The following CHRM3 variants were observed in gnomAD, a reference collection of about 807,000 sequenced individuals.
The protein encoded by CHRM3 is muscarinic acetylcholine receptor M3.
A neutral mutation model predicts 41.8 loss-of-function variants in CHRM3; 11 were observed. That is an observed-to-expected ratio of 0.26 (90% CI 0.17 to 0.44). The LOEUF is 0.44. Among genes scored for constraint, CHRM3 ranks in the 20% least tolerant of loss-of-function variants. The pLI, the probability that CHRM3 is intolerant of heterozygous loss-of-function variation, is 1.00. For synonymous variants in CHRM3, 297 were observed against 301.4 expected (o/e 0.99, Z 0.15); for missense variants, 571 against 745.4 (o/e 0.77, Z 2.72).
At chr1:239,762,728 T>C (rs2148665461) in intron 5 of CHRM3, among the ~76,000 whole-genome samples, 1 of 152,306 alleles carries the variant, frequency 6.6e-6, no homozygotes, top group Admixed American at 6.5e-5. Context: ...TTAGAGCTAA[T>C]TATGTCCTTG....
chr1:239,772,166 T>C (rs1667732408), intron 5 of CHRM3, among the ~76,000 whole-genome samples: 1 of 152,162 alleles, frequency 6.6e-6, no homozygotes, highest in Non-Finnish European at 1.5e-5. Flanking sequence ...TTTTTTTTTC[T>C]TTGAGACGGA....
chr1:239,803,498 G>A (rs1447165689), intron 5 of CHRM3, among the ~76,000 whole-genome samples: 1 of 152,154 alleles, frequency 6.6e-6, no homozygotes, highest in East Asian at 1.9e-4. Context: ...TCCCAGGAAA[G>A]TATATTATAT....
chr1:239,429,193 T>G (rs1165556455), intron 1 of CHRM3, among the ~76,000 whole-genome samples: 1 of 152,226 alleles, frequency 6.6e-6, no homozygotes, highest in Non-Finnish European at 1.5e-5. Flanking sequence ...TACACTTGCA[T>G]TTTCTTTAGC....
intron 1 of CHRM3, among the ~76,000 whole-genome samples, chr1:239,483,047 G>A (rs893698791): frequency 6.6e-6 from 1 of 152,148 alleles, no homozygotes; most frequent in Non-Finnish European, 1.5e-5. Flanking sequence ...GATCTCTTTA[G>A]AGTTGCTTTT....
chr1:239,742,449 C>A (rs577008487), intron 5 of CHRM3, among the ~76,000 whole-genome samples: 1 of 152,074 alleles, frequency 6.6e-6, no homozygotes, highest in Admixed American at 6.5e-5. Flanking sequence ...GGACTCTCTG[C>A]GGGTGTTTAC....
At chr1:239,527,413 C>T (rs1670067427) in intron 2 of CHRM3, among the ~76,000 whole-genome samples, 1 of 152,124 alleles carries the variant, frequency 6.6e-6, no homozygotes, top group Non-Finnish European at 1.5e-5. Flanking sequence ...TCCTGACCTC[C>T]ATTTATATCC....
At chr1:239,533,034 C>T (rs1420616683) in intron 2 of CHRM3, among the ~76,000 whole-genome samples, 1 of 152,120 alleles carries the variant, frequency 6.6e-6, no homozygotes, top group Non-Finnish European at 1.5e-5. Context: ...TTATGAAGCA[C>T]TTTCATTTCC....
chr1:239,459,279 C>A (rs941868079), intron 1 of CHRM3, among the ~76,000 whole-genome samples: 1 of 151,910 alleles, frequency 6.6e-6, no homozygotes, highest in African/African-American at 2.4e-5. Flanking sequence ...AGAAAAAAAA[C>A]ATGTAAAAAT....
intron 6 of CHRM3, among the ~76,000 whole-genome samples, chr1:239,889,150 G>A (rs933437656): frequency 8.5e-5 from 13 of 152,252 alleles, no homozygotes; most frequent in East Asian, 1.9e-4. Context: ...ATGGATCACC[G>A]GATCCACAGT....
At chr1:239,869,686 T>C (rs1558194605) in intron 6 of CHRM3, among the ~76,000 whole-genome samples, 1 of 152,208 alleles carries the variant, frequency 6.6e-6, no homozygotes, top group South Asian at 2.1e-4. Flanking sequence ...TGTGTACTTA[T>C]TACTGTATTA....
At chr1:239,567,368 TTC>T (rs1661455325) in intron 3 of CHRM3, among the ~76,000 whole-genome samples, 1 of 152,060 alleles carries the variant, frequency 6.6e-6, no homozygotes, top group Non-Finnish European at 1.5e-5. Context: ...GATTTCTAAT[TTC>T]AGAAAACAAC....
chr1:239,456,206 T>C (rs891811124), intron 1 of CHRM3, among the ~76,000 whole-genome samples: 9 of 152,216 alleles, frequency 5.9e-5, no homozygotes, highest in African/African-American at 2.2e-4. Flanking sequence ...GGTCAATTTC[T>C]ATGATTATTC....
intron 6 of CHRM3, among the ~76,000 whole-genome samples, chr1:239,835,551 A>G (rs1673241494): frequency 6.6e-6 from 1 of 152,152 alleles, no homozygotes; most frequent in African/African-American, 2.4e-5. Context: ...ACGCTAAGAG[A>G]TAGAGACTGA....
chr1:239,755,972 T>C (rs1666209066), intron 5 of CHRM3, among the ~76,000 whole-genome samples: 1 of 152,192 alleles, frequency 6.6e-6, no homozygotes. Context: ...AATAAAACTA[T>C]ATAGATGAGG....
intron 5 of CHRM3, among the ~76,000 whole-genome samples, chr1:239,814,288 T>C (rs1671391144): frequency 6.6e-6 from 1 of 152,114 alleles, no homozygotes; most frequent in Non-Finnish European, 1.5e-5. Context: ...ATGTTTGATT[T>C]TTAAGAAGGG....
intron 5 of CHRM3, among the ~76,000 whole-genome samples, chr1:239,815,930 A>G (rs909233911): frequency 2.0e-5 from 3 of 152,224 alleles, no homozygotes; most frequent in Admixed American, 2.0e-4. Context: ...CTTCTGTCTC[A>G]ATAACAAATT....
chr1:239,424,198 A>C (rs1415106703), intron 1 of CHRM3, among the ~76,000 whole-genome samples: 1 of 152,182 alleles, frequency 6.6e-6, no homozygotes, highest in African/African-American at 2.4e-5. Flanking sequence ...TGCTCCTAAC[A>C]TACGACACGG....
chr1:239,742,194 T>C (rs546855314), intron 5 of CHRM3, among the ~76,000 whole-genome samples: 1 of 152,336 alleles, frequency 6.6e-6, no homozygotes, highest in South Asian at 2.1e-4. Context: ...ATTTTTGTCA[T>C]TGACTACATA....
intron 1 of CHRM3, among the ~76,000 whole-genome samples, chr1:239,483,445 A>C (rs1394371795): frequency 6.6e-6 from 1 of 152,164 alleles, no homozygotes; most frequent in Non-Finnish European, 1.5e-5. Context: ...GGACTTCCCT[A>C]TAAGGTTGAG....
Sources: allele counts gnomAD v4.1 joint callset (sites outside exome capture counted in the v4.1 genomes callset), GRCh38; gene constraint gnomAD v4.1.1; transcripts MANE v1.5; gene names NCBI Gene and HGNC (gene_info 2026-07-23, HGNC 2026-07-21).